Variants in NEMF observed in about 807,000 individuals in gnomAD.
NEMF encodes the protein ribosome quality control complex subunit NEMF.
Under a neutral mutation model 162.2 loss-of-function variants are expected in NEMF, and 89 were observed. That is an observed-to-expected ratio of 0.55 (90% CI 0.46 to 0.65). The LOEUF (loss-of-function observed/expected upper bound fraction) is 0.65. Among genes scored for constraint, NEMF ranks in the 30% least tolerant of loss-of-function variants. The probability of loss-of-function intolerance (pLI) is 0.00; values close to 1 mark genes in which losing one functional copy is unlikely to be tolerated. For missense variants in NEMF, 1,133 were observed against 1,261.9 expected (o/e 0.90, Z 1.55); for synonymous variants, 421 against 404.5 (o/e 1.04, Z -0.49).
rs1266911698 is a variant in NEMF at position 49,829,095 on chromosome 14, TTTGA to T, written c.1187_1190del (p.Ile396LysfsTer3). 1.2e-6 allele frequency: 2 copies of T among 1,614,202 alleles called. No homozygotes were observed. The highest frequency in any genetic ancestry group is 1.7e-6 in the Non-Finnish European group (2 of 1,180,028). ...CATGGTTTGTTTGTAGTTTTAATTC[TTTGA>T]TTGCACTTGCAACAGGGTCTCCTTG... On this transcript the variant is annotated frameshift_variant, in exon 13 of 33. Coordinates refer to ENST00000298310, the MANE Select transcript of NEMF (RefSeq NM_004713.6). LOFTEE classifies it high-confidence loss of function.
At chr14:49,847,084 C>T (rs1265564443) in intron 3 of NEMF, among the ~76,000 whole-genome samples, 1 of 151,734 alleles carries the variant, frequency 6.6e-6, no homozygotes, top group African/African-American at 2.4e-5. Flanking sequence ...CGGGGTTTCA[C>T]CATGTTGGTC....
chr14:49,826,105 T>A (rs1215689678), intron 15 of NEMF, 150 bp from the exon 16 acceptor site: 3 of 534,332 alleles, frequency 5.6e-6, no homozygotes, highest in Admixed American at 3.5e-5. Flanking sequence ...CAAATACGCA[T>A]ACTTGAAAGT....
chr14:49,849,486 T>A (rs1055884092), intron 3 of NEMF: 1 of 152,258 alleles, frequency 6.6e-6, no homozygotes, highest in Non-Finnish European at 1.5e-5. Flanking sequence ...GACATAACTC[T>A]GCCTGTGCCA....
At chr14:49,786,663 G>A in intron 29 of NEMF, 55 bp downstream of exon 29, 1 of 1,490,946 alleles carries the variant, frequency 6.7e-7, no homozygotes, top group East Asian at 2.3e-5. Flanking sequence ...CAAACATTCT[G>A]GGAACTGAAT....
rs77788677 is a variant in NEMF at position 49,786,673 on chromosome 14, T to C, written c.2928+45A>G. ...TGTTTCAAACATTCTGGGAACTGAA[T>C]TGTAATCACAGTGTTGTAGTAGGAA... is the stretch of plus-strand genomic sequence containing the variant. On this transcript the variant is annotated intron_variant, in intron 29 of 32. Transcript: ENST00000298310. 238 of 1,545,348 alleles carry C rather than the reference T, an allele frequency of 1.5e-4. 2 individuals carry two copies. The East Asian group carries it at 4.5e-3, about 29-fold the overall frequency.
At chr14:49,791,928 C>T (rs1257763745) in intron 26 of NEMF, among the ~76,000 whole-genome samples, 1 of 151,780 alleles carries the variant, frequency 6.6e-6, no homozygotes, top group Non-Finnish European at 1.5e-5. Flanking sequence ...AAAAAAATCC[C>T]GGAAAACCTG....
At position 49,844,021 on chromosome 14, in the gene NEMF, C is replaced by A. The variant is rs528229068; in HGVS notation, c.357+2119G>T. ...GGCTGAGGCACTAGGATTGCTTGAA[C>A]CCGGGAGGCAGAGGTTGCAGTGAGC... On this transcript the variant is annotated intron_variant, in intron 4 of 32. Coordinates refer to ENST00000298310, the MANE Select transcript of NEMF (RefSeq NM_004713.6). Among the ~76,000 whole-genome samples the A allele has an allele frequency of 7.9e-5, 12 of 151,994 alleles. No homozygotes were observed. In the East Asian group the frequency reaches 2.1e-3, roughly 27 times the overall value.
chr14:49,795,862 C>A lies in NEMF; in HGVS notation c.2548G>T (p.Val850Leu), dbSNP rs771796069. ...GTGTTCTGATGAGTTTCAATGTGTA[C>A]AGTACTTTCTTTTTCTTTATCCTTT... ...EGKDKEKEST[V>L]HIETHQNTSK... The change falls in exon 26 of 33, where the codon GTA becomes TTA. Residue 850 changes from valine (V) to leucine (L), a missense_variant. Val to Leu is a conservative substitution (Grantham distance 32). Transcript: ENST00000298310. 4 of 1,613,244 alleles carry A rather than the reference C, an allele frequency of 2.5e-6. No homozygotes were observed. In the African/African-American group the frequency reaches 5.3e-5, roughly 22 times the overall value.
At chr14:49,851,139 G>C (rs1037431296) in intron 3 of NEMF, among the ~76,000 whole-genome samples, 1 of 152,208 alleles carries the variant, frequency 6.6e-6, no homozygotes, top group Admixed American at 6.5e-5. Flanking sequence ...GGGAGGCAGA[G>C]GTTGCAGTGA....
At chr14:49,824,622 G>A (rs1440084014) in intron 16 of NEMF, among the ~76,000 whole-genome samples, 1 of 151,376 alleles carries the variant, frequency 6.6e-6, no homozygotes, top group East Asian at 1.9e-4. Flanking sequence ...AAGAGACGGG[G>A]TTTGGCATGT....
intron 18 of NEMF, among the ~76,000 whole-genome samples, chr14:49,806,840 T>C (rs1446322562): frequency 6.6e-6 from 1 of 152,210 alleles, no homozygotes; most frequent in Non-Finnish European, 1.5e-5. Flanking sequence ...ATGAATAACA[T>C]GTCCCTTATG....
chr14:49,836,887 G>A (rs1892933184), intron 6 of NEMF, among the ~76,000 whole-genome samples: 1 of 152,154 alleles, frequency 6.6e-6, no homozygotes, highest in Non-Finnish European at 1.5e-5. Flanking sequence ...GCCTGGAGGT[G>A]ATTTTATACA....
intron 16 of NEMF, among the ~76,000 whole-genome samples, chr14:49,825,421 A>G (rs1211216599): frequency 1.3e-5 from 2 of 152,178 alleles, no homozygotes; most frequent in East Asian, 3.8e-4. Flanking sequence ...TCCTTCGGAG[A>G]GCAGGCAATA....
chr14:49,806,209 G>A lies in NEMF; in HGVS notation c.1745-76C>T, dbSNP rs866269505. On this transcript the variant is annotated intron_variant, in intron 18 of 32. Coordinates refer to ENST00000298310, the MANE Select transcript of NEMF (RefSeq NM_004713.6). ...GAGCAAGATATGAAAATCACATGCC[G>A]CATGACAGGGTCAATGATATGTGTA... The A allele has an allele frequency of 1.6e-4, 88 of 544,982 alleles. No homozygotes were observed. In the Middle Eastern group the frequency reaches 2.0e-3, roughly 12 times the overall value. 33.8% of individuals were successfully genotyped at this position (544,982 alleles called of 1,614,324 possible).
intron 8 of NEMF, 115 bp downstream of exon 8, chr14:49,833,308 A>T: frequency 1.8e-6 from 1 of 559,684 alleles, no homozygotes; most frequent in Non-Finnish European, 3.0e-6. Context: ...CATATTACAG[A>T]TAACAATTTT....
rs1331270703 is a variant in NEMF at position 49,784,404 on chromosome 14, A to T, written c.*232T>A. On this transcript the variant is annotated 3_prime_UTR_variant, in exon 33 of 33. Transcript: ENST00000298310. ...AAATGTAGAATAACTACAGATGTAT[A>T]TTAATTAGCATTTAACTGTCCACAA... 7 of 421,274 alleles carry T rather than the reference A, an allele frequency of 1.7e-5. No homozygotes were observed. Among genetic ancestry groups the T allele is most frequent in the Non-Finnish European group, 3.0e-5 (7 of 237,166 alleles). The allele number at this position is 421,274 out of a possible 1,614,324, so 26.1% of individuals were successfully genotyped here.
Position 49,803,304 on chromosome 14 carries a change from A to G in NEMF, c.1858-10T>C. The G allele has an allele frequency of 3.2e-6, 5 of 1,566,206 alleles. No homozygotes were observed. The highest frequency in any genetic ancestry group is 4.4e-6 in the Non-Finnish European group (5 of 1,139,234). ...GTGCTGTTTTAGATACCTGAAGAACACAATAATACATTATATTCTTATTTA... is the reference window on the plus strand; with the variant it reads ...GTGCTGTTTTAGATACCTGAAGAACGCAATAATACATTATATTCTTATTTA... On this transcript the variant is annotated splice_polypyrimidine_tract_variant and intron_variant, in intron 19 of 32. Coordinates refer to ENST00000298310, the MANE Select transcript of NEMF (RefSeq NM_004713.6).
At chr14:49,836,987 A>C (rs781230350) in intron 6 of NEMF, among the ~76,000 whole-genome samples, 1 of 152,168 alleles carries the variant, frequency 6.6e-6, no homozygotes, top group Non-Finnish European at 1.5e-5. Flanking sequence ...AAAGTTTCAG[A>C]CTTCAGGCCA....
chr14:49,828,180 T>C, intron 15 of NEMF, 111 bp downstream of exon 15: 1 of 823,538 alleles, frequency 1.2e-6, no homozygotes, highest in Non-Finnish European at 2.1e-6. Flanking sequence ...AAAGTTAAGT[T>C]TGAAAGATAC....
Sources: allele counts gnomAD v4.1 joint callset (sites outside exome capture counted in the v4.1 genomes callset), GRCh38; gene constraint gnomAD v4.1.1; transcripts MANE v1.5; gene names NCBI Gene and HGNC (gene_info 2026-07-23, HGNC 2026-07-21).